Variants in RPTOR observed in about 807,000 individuals in gnomAD.
The protein encoded by RPTOR is regulatory associated protein of MTOR complex 1, also known as regulatory-associated protein of mTOR.
A neutral mutation model predicts 169.9 loss-of-function variants in RPTOR; 21 were observed. The ratio of observed to expected loss-of-function variants is 0.12; its 90% CI spans 0.09 to 0.18. The LOEUF is 0.18. RPTOR is among the 10% of genes least tolerant of loss of function. RPTOR has a pLI of 1.00. For synonymous variants in RPTOR, 732 were observed against 753.2 expected (o/e 0.97, Z 0.46); for missense variants, 1,133 against 1,855.9 (o/e 0.61, Z 7.16).
chr17:80,919,922 G>A (rs1311576007), intron 21 of RPTOR, among the ~76,000 whole-genome samples: 1 of 152,242 alleles, frequency 6.6e-6, no homozygotes, highest in Non-Finnish European at 1.5e-5. Flanking sequence ...GGGGCTCTGG[G>A]GGTGTACATG....
At position 80,679,415 on chromosome 17, in the gene RPTOR, G is replaced by A. The variant is rs961912492; in HGVS notation, c.349-28426G>A. Reference sequence around the variant, plus strand: ...CCACGTTCTCCTCATTCCTCACCTCGTAGAAAAGATTTTTGGGGGGTGGTG... The same window carrying A: ...CCACGTTCTCCTCATTCCTCACCTCATAGAAAAGATTTTTGGGGGGTGGTG... On this transcript the variant is annotated intron_variant, in intron 3 of 33. Coordinates refer to ENST00000306801, the MANE Select transcript of RPTOR (RefSeq NM_020761.3). Among the ~76,000 whole-genome samples, 108 of 152,322 alleles carry A rather than the reference G, an allele frequency of 7.1e-4. 2 individuals are homozygous for A. Among genetic ancestry groups the A allele is most frequent in the Admixed American group, 6.5e-5 (1 of 15,300 alleles).
At chr17:80,914,551 C>T (rs191495224) in intron 21 of RPTOR, among the ~76,000 whole-genome samples, 18 of 152,346 alleles carry the variant, frequency 1.2e-4, no homozygotes, top group African/African-American at 4.3e-4. Flanking sequence ...CGTCTGCTCC[C>T]GCTCCCTGGC....
chr17:80,632,318 G>C (rs1370495942), intron 2 of RPTOR, among the ~76,000 whole-genome samples: 3 of 152,212 alleles, frequency 2.0e-5, no homozygotes, highest in Admixed American at 2.0e-4. Flanking sequence ...GCGGATCCCT[G>C]TGTGTGCTCC....
At chr17:80,626,952 T>C (rs895387708) in intron 2 of RPTOR, among the ~76,000 whole-genome samples, 14 of 152,136 alleles carry the variant, frequency 9.2e-5, no homozygotes, top group African/African-American at 3.4e-4. Flanking sequence ...CAACTCCTCA[T>C]TCCTGCCTTC....
intron 5 of RPTOR, among the ~76,000 whole-genome samples, chr17:80,751,393 G>A (rs1000670187): frequency 6.6e-6 from 1 of 152,172 alleles, no homozygotes; most frequent in Non-Finnish European, 1.5e-5. Flanking sequence ...GGGACTCTGT[G>A]TCCTCGTCGT....
chr17:80,688,620 G>A (rs1477288819), intron 3 of RPTOR, among the ~76,000 whole-genome samples: 1 of 152,232 alleles, frequency 6.6e-6, no homozygotes, highest in Non-Finnish European at 1.5e-5. Flanking sequence ...CTGGCTTCCT[G>A]TGGGTTCCAC....
Position 80,892,719 on chromosome 17 carries a change from T to G in RPTOR, c.2102-10T>G. Reference sequence around the variant, plus strand: ...GCCCATTGTAATTTGTCTTTCTCCTTCTTTCCCAGAGGGAGGGAGTTTGAC... The same window carrying G: ...GCCCATTGTAATTTGTCTTTCTCCTGCTTTCCCAGAGGGAGGGAGTTTGAC... On this transcript the variant is annotated splice_polypyrimidine_tract_variant and intron_variant, in intron 18 of 33. Coordinates refer to ENST00000306801, the MANE Select transcript of RPTOR (RefSeq NM_020761.3). 1 of 1,612,116 alleles carries G rather than the reference T, an allele frequency of 6.2e-7. No homozygotes were observed. Among genetic ancestry groups the G allele is most frequent in the Non-Finnish European group, 8.5e-7 (1 of 1,178,988 alleles).
Position 80,905,228 on chromosome 17 carries a change from G to A in RPTOR, c.2402-3583G>A, listed in dbSNP as rs183283554. Among the ~76,000 whole-genome samples the A allele has an allele frequency of 6.3e-4, 96 of 151,594 alleles. No individual in the cohort carries two copies. In the East Asian group the frequency reaches 8.3e-3, roughly 13 times the overall value. ...TTTTGTTTTGTTTTCAAATATTTTCGATCTGCGGTTGGTTGAATCCATGGA... is the reference window on the plus strand; with the variant it reads ...TTTTGTTTTGTTTTCAAATATTTTCAATCTGCGGTTGGTTGAATCCATGGA... On this transcript the variant is annotated intron_variant, in intron 20 of 33. Transcript: ENST00000306801.
At chr17:80,675,670 C>T (rs1378051359) in intron 3 of RPTOR, among the ~76,000 whole-genome samples, 1 of 152,120 alleles carries the variant, frequency 6.6e-6, no homozygotes, top group Non-Finnish European at 1.5e-5. Context: ...AACCCGGCTG[C>T]TCTGCTCACC....
Position 80,660,608 on chromosome 17 carries a change from TCC to T in RPTOR, c.348+16800_348+16801del, listed in dbSNP as rs1198349214. ...AGCCCCATTCACCACCCATGATCAC[TCC>T]CTGCCCCGTTTCCCATTTTCTTTAT... On this transcript the variant is annotated intron_variant, in intron 3 of 33. Coordinates refer to ENST00000306801, the MANE Select transcript of RPTOR (RefSeq NM_020761.3). Among the ~76,000 whole-genome samples the T allele has an allele frequency of 2.6e-5, 4 of 152,190 alleles. No individual in the cohort carries two copies. In the East Asian group the frequency reaches 7.7e-4, roughly 29 times the overall value.
At chr17:80,902,779 C>T (rs146292167) in intron 20 of RPTOR, among the ~76,000 whole-genome samples, 8 of 152,376 alleles carry the variant, frequency 5.3e-5, no homozygotes, top group East Asian at 1.9e-4. Context: ...CACGCTCATC[C>T]GTCCAGCCCC....
At chr17:80,681,401 G>T (rs144392656) in intron 3 of RPTOR, among the ~76,000 whole-genome samples, 1 of 152,282 alleles carries the variant, frequency 6.6e-6, no homozygotes, top group South Asian at 2.1e-4. Context: ...GCTAGAGTGC[G>T]TGCGTGCTGT....
In RPTOR at chr17:80,793,623, C is replaced by T. The variant is rs1598307742; in HGVS notation, c.890+2114C>T. Among the ~76,000 whole-genome samples, 4 of 152,318 alleles carry T rather than the reference C, an allele frequency of 2.6e-5. No individual in the cohort carries two copies. The East Asian group carries it at 7.7e-4, about 29-fold the overall frequency. On this transcript the variant is annotated intron_variant, in intron 7 of 33. Transcript: ENST00000306801. ...GCTGCTGTGTGCTGTCCCATCCCCC[C>T]TGGTCACCTGTGTCTGTGGCTACTC...
chr17:80,641,386 A>T (rs1261313926), intron 2 of RPTOR, among the ~76,000 whole-genome samples: 2 of 152,240 alleles, frequency 1.3e-5, no homozygotes, highest in African/African-American at 4.8e-5. Context: ...CTGTTTTGAA[A>T]AGCCCTTGAT....
At chr17:80,865,315 A>G (rs551938490) in intron 13 of RPTOR, among the ~76,000 whole-genome samples, 2 of 152,350 alleles carry the variant, frequency 1.3e-5, no homozygotes, top group African/African-American at 4.8e-5. Context: ...CCTGCCCGTC[A>G]CTGCAGTGTG....
chr17:80,795,563 A>AT lies in RPTOR; in HGVS notation c.890+4066dup, dbSNP rs113112880. ...GAAGGTGGCTAAATGCTAAAGGTTT[A>AT]TTTTTTTTTTTTAATTTAAAAGAGA... On this transcript the variant is annotated intron_variant, in intron 7 of 33. Coordinates refer to ENST00000306801, the MANE Select transcript of RPTOR (RefSeq NM_020761.3). Among the ~76,000 whole-genome samples, 66 of 146,576 alleles carry AT rather than the reference A, an allele frequency of 4.5e-4. 1 individual carries two copies. Among genetic ancestry groups the AT allele is most frequent in the South Asian group, 1.1e-3 (5 of 4,588 alleles).
chr17:80,554,753 CAAA>C (rs981497748), intron 1 of RPTOR, among the ~76,000 whole-genome samples: 18 of 106,452 alleles, frequency 1.7e-4, no homozygotes, highest in Admixed American at 1.3e-3. Flanking sequence ...CAAAACAAAA[CAAA>C]ACAAAACAAA....
In RPTOR at chr17:80,860,334, C is replaced by T. The variant is rs950907414; in HGVS notation, c.1509+2434C>T. On this transcript the variant is annotated intron_variant, in intron 13 of 33. Coordinates refer to ENST00000306801, the MANE Select transcript of RPTOR (RefSeq NM_020761.3). This position sits in a 1 kb window ranked among gnomAD's most constrained non-coding sequence, Gnocchi z 5.8. The stretch of plus-strand genomic sequence containing the variant: ...TGGCAGGCACCCCGAGCCACAGGCT[C>T]GTACCCCGCACTGTGCGCTCTCACC... 3.3e-5 allele frequency among the ~76,000 whole-genome samples: 5 copies of T among 152,218 alleles called. No homozygotes were observed. The highest frequency in any genetic ancestry group is 4.1e-4 in the South Asian group (2 of 4,836).
Position 80,838,104 on chromosome 17 carries a change from G to A in RPTOR, c.1212+107G>A, listed in dbSNP as rs2067585265. The A allele has an allele frequency of 1.7e-5, 14 of 847,352 alleles. No homozygotes were observed. In the Admixed American group the frequency reaches 3.8e-4, roughly 23 times the overall value. The allele number at this position is 847,352 out of a possible 1,614,324, so 52.5% of individuals were successfully genotyped here. A position where few individuals can be genotyped will look rare whatever the true frequency, so the allele number is the denominator to read the frequency against. Reference sequence around the variant, plus strand: ...GGGGTGGTGCCCAGGACTCTCGGGTGTCAGATTTTGTTCACCTGCCTGGAA... The same window carrying A: ...GGGGTGGTGCCCAGGACTCTCGGGTATCAGATTTTGTTCACCTGCCTGGAA... On this transcript the variant is annotated intron_variant, in intron 10 of 33. Coordinates refer to ENST00000306801, the MANE Select transcript of RPTOR (RefSeq NM_020761.3).
Sources: allele counts gnomAD v4.1 joint callset (sites outside exome capture counted in the v4.1 genomes callset), GRCh38; gene constraint gnomAD v4.1.1; non-coding constraint Gnocchi (gnomAD v3.1); transcripts MANE v1.5; gene names NCBI Gene and HGNC (gene_info 2026-07-23, HGNC 2026-07-21).